The following CYP7B1 variants were observed in gnomAD, a reference collection of about 807,000 sequenced individuals.
CYP7B1 encodes cytochrome P450 family 7 subfamily B member 1.
CYP7B1 carries 29 observed loss-of-function variants against 42.7 expected under a neutral mutation model. That is an observed-to-expected ratio of 0.68 (90% CI 0.51 to 0.93). The LOEUF is 0.93. Ranked by LOEUF, CYP7B1 falls within the 40% of genes least tolerant of loss-of-function variation. CYP7B1 has a pLI of 0.00. For missense variants in CYP7B1, 655 were observed against 600.5 expected (o/e 1.09, Z -0.95); for synonymous variants, 235 against 218.2 (o/e 1.08, Z -0.68).
At chr8:64,599,259 G>A (rs962958135) in intron 5 of CYP7B1, among the ~76,000 whole-genome samples, 1 of 151,996 alleles carries the variant, frequency 6.6e-6, no homozygotes, top group African/African-American at 2.4e-5. Context: ...CGCGATCTCG[G>A]CTCACTGCAA....
intron 1 of CYP7B1, among the ~76,000 whole-genome samples, chr8:64,726,779 A>G (rs1807331380): frequency 6.6e-6 from 1 of 152,184 alleles, no homozygotes; most frequent in Admixed American, 6.5e-5. Context: ...ATAGCAGACA[A>G]TGTTGAATCT....
At chr8:64,643,723 T>A (rs1295279375) in intron 1 of CYP7B1, among the ~76,000 whole-genome samples, 1 of 152,234 alleles carries the variant, frequency 6.6e-6, no homozygotes, top group Non-Finnish European at 1.5e-5. Context: ...CTTTATCAAC[T>A]AATTATGAAA....
chr8:64,777,429 T>C (rs185139386), intron 1 of CYP7B1, among the ~76,000 whole-genome samples: 33 of 152,150 alleles, frequency 2.2e-4, no homozygotes, highest in Middle Eastern at 3.4e-3. Context: ...TTTGTCTAAT[T>C]AAGAAGTTGA....
intron 1 of CYP7B1, among the ~76,000 whole-genome samples, chr8:64,636,039 T>C (rs1186196325): frequency 6.6e-6 from 1 of 152,216 alleles, no homozygotes; most frequent in East Asian, 1.9e-4. Flanking sequence ...AATGTCAAGG[T>C]AGAGTTTTAA....
rs35504769 is a variant in CYP7B1 at position 64,775,431 on chromosome 8, T to G, written c.122+23035A>C. Among the ~76,000 whole-genome samples the G allele has an allele frequency of 3.9e-3, 590 of 152,150 alleles. 5 individuals are homozygous for G. The highest frequency in any genetic ancestry group is 0.013 in the African/African-American group (555 of 41,542). On this transcript the variant is annotated intron_variant, in intron 1 of 5. Coordinates refer to ENST00000310193, the MANE Select transcript of CYP7B1 (RefSeq NM_004820.5). ...GAACTAATAATGACTATAAAGAAAA[T>G]AGTCCACAGGCTTTGTTTTCCATGT... is the stretch of plus-strand genomic sequence containing the variant.
At chr8:64,683,586 G>A (rs1806572725) in intron 1 of CYP7B1, among the ~76,000 whole-genome samples, 1 of 152,166 alleles carries the variant, frequency 6.6e-6, no homozygotes, top group African/African-American at 2.4e-5. Context: ...ACTAAAAAGA[G>A]TGTAATTGGA....
At position 64,780,113 on chromosome 8, in the gene CYP7B1, T is replaced by C. The variant is rs546782142; in HGVS notation, c.122+18353A>G. Among the ~76,000 whole-genome samples, 3 of 152,292 alleles carry C rather than the reference T, an allele frequency of 2.0e-5. No homozygotes were observed. The South Asian group carries it at 6.2e-4, about 32-fold the overall frequency. The stretch of plus-strand genomic sequence containing the variant: ...TATTCACAATTAGGTAAGCATTTGC[T>C]AATGAAATCTTCAGTTTTTAATGGA... On this transcript the variant is annotated intron_variant, in intron 1 of 5. Transcript: ENST00000310193.
intron 1 of CYP7B1, among the ~76,000 whole-genome samples, chr8:64,762,550 T>G (rs1327951081): frequency 2.6e-5 from 4 of 152,234 alleles, no homozygotes; most frequent in Admixed American, 1.3e-4. Flanking sequence ...TCACTAAGTT[T>G]TCATAATGCA....
chr8:64,755,178 C>T (rs183354428), intron 1 of CYP7B1, among the ~76,000 whole-genome samples: 30 of 152,068 alleles, frequency 2.0e-4, no homozygotes, highest in Admixed American at 6.5e-4. Context: ...TGTGTGTGTG[C>T]GTGCATGTGT....
At position 64,667,319 on chromosome 8, in the gene CYP7B1, A is replaced by T. The variant is rs191473594; in HGVS notation, c.123-42780T>A. ...AATGACACATTCCCTCGGGGGGCTC[A>T]TCCACCATATCAATCCCCGTGCAAT... is the stretch of plus-strand genomic sequence containing the variant. On this transcript the variant is annotated intron_variant, in intron 1 of 5. Coordinates refer to ENST00000310193, the MANE Select transcript of CYP7B1 (RefSeq NM_004820.5). Among the ~76,000 whole-genome samples the T allele has an allele frequency of 3.3e-5, 5 of 152,254 alleles. No individual in the cohort carries two copies. In the East Asian group the frequency reaches 7.7e-4, roughly 24 times the overall value.
chr8:64,679,519 A>G (rs965813035), intron 1 of CYP7B1, among the ~76,000 whole-genome samples: 2 of 152,176 alleles, frequency 1.3e-5, no homozygotes, highest in Non-Finnish European at 2.9e-5. Flanking sequence ...ACAGTTCCAT[A>G]TTTTTTAAAC....
chr8:64,605,709 T>C (rs1212979084), intron 4 of CYP7B1, among the ~76,000 whole-genome samples: 1 of 152,164 alleles, frequency 6.6e-6, no homozygotes, highest in Non-Finnish European at 1.5e-5. Context: ...ACTGACTATG[T>C]TTCCACCAGC....
chr8:64,743,240 C>A (rs898957021), intron 1 of CYP7B1, among the ~76,000 whole-genome samples: 2 of 152,054 alleles, frequency 1.3e-5, no homozygotes, highest in Non-Finnish European at 2.9e-5. Flanking sequence ...TGTTCATTCA[C>A]CTTATTAAAA....
chr8:64,764,948 G>A (rs753842439), intron 1 of CYP7B1, among the ~76,000 whole-genome samples: 2 of 150,212 alleles, frequency 1.3e-5, no homozygotes, highest in Admixed American at 6.6e-5. Flanking sequence ...TAGACAGGAC[G>A]ATAGATGGTT....
chr8:64,759,471 A>G (rs11993335), intron 1 of CYP7B1, among the ~76,000 whole-genome samples: 1,821 of 152,298 alleles, frequency 0.012, 34 homozygotes, highest in African/African-American at 0.042. Flanking sequence ...CCCTCTGTTG[A>G]CTGCACAAGA....
chr8:64,604,071 T>C (rs546494277), intron 5 of CYP7B1, among the ~76,000 whole-genome samples: 53 of 152,306 alleles, frequency 3.5e-4, no homozygotes, highest in African/African-American at 1.3e-3. Context: ...ATTTCCAGTC[T>C]TTGATATTCA....
intron 1 of CYP7B1, among the ~76,000 whole-genome samples, chr8:64,689,850 G>A (rs949344786): frequency 1.3e-5 from 2 of 152,180 alleles, no homozygotes; most frequent in Admixed American, 6.5e-5. Context: ...TTACAGGCAT[G>A]AGCGACCACG....
chr8:64,777,400 C>T (rs535448449), intron 1 of CYP7B1, among the ~76,000 whole-genome samples: 1 of 152,164 alleles, frequency 6.6e-6, no homozygotes, highest in Non-Finnish European at 1.5e-5. Flanking sequence ...AAATTAACCA[C>T]TTAAGTTTTT....
chr8:64,669,251 C>T (rs538777977), intron 1 of CYP7B1, among the ~76,000 whole-genome samples: 2 of 152,186 alleles, frequency 1.3e-5, no homozygotes, highest in Admixed American at 6.5e-5. Flanking sequence ...CTTTTCAGCT[C>T]TTAGGAAGAA....
Sources: allele counts gnomAD v4.1 joint callset (sites outside exome capture counted in the v4.1 genomes callset), GRCh38; gene constraint gnomAD v4.1.1; transcripts MANE v1.5; gene names NCBI Gene and HGNC (gene_info 2026-07-23, HGNC 2026-07-21).